POLA1: variants seen among roughly 807,000 people sequenced by gnomAD.
POLA1 encodes the protein DNA polymerase alpha 1, catalytic subunit.
In POLA1, 15 loss-of-function variants were observed where a neutral mutation model predicts 124.0. That is an observed-to-expected ratio of 0.12 (90% confidence interval 0.08 to 0.19). The LOEUF (loss-of-function observed/expected upper bound fraction) is 0.19, where lower values mean the gene tolerates loss of function less well. POLA1 is among the 10% of genes least tolerant of loss of function. The pLI is 1.00. For missense variants in POLA1, 886 were observed against 1,103.4 expected, an observed-to-expected ratio of 0.80 and a Z score of 2.79; for synonymous variants, 408 against 389.4, an observed-to-expected ratio of 1.05 and a Z score of -0.56.
At chrX:24,844,800 A>G (rs768166673) in intron 34 of POLA1, among the ~76,000 whole-genome samples, 2 of 111,888 alleles carry the variant, frequency 1.8e-5, no homozygotes, top group Non-Finnish European at 3.8e-5. Flanking sequence ...TGAACAGTGG[A>G]TGGGAATAAA....
intron 31 of POLA1, 73 bp from the exon 32 acceptor site, chrX:24,826,354 G>C: frequency 1.3e-6 from 1 of 741,643 alleles, no homozygotes; most frequent in South Asian, 3.5e-5. Context: ...CCAAGCAAGT[G>C]TCTGTGATTG....
chrX:24,952,131 G>A (rs139220883), intron 36 of POLA1, among the ~76,000 whole-genome samples: 1 of 111,979 alleles, frequency 8.9e-6, no homozygotes, highest in African/African-American at 3.2e-5. Flanking sequence ...ACAAAATGTG[G>A]CAACTTCACA....
chrX:24,739,297 A>G (rs1454398844), intron 19 of POLA1, 78 bp from the exon 20 acceptor site: 6 of 687,863 alleles, frequency 8.7e-6, no homozygotes, highest in African/African-American at 2.2e-5. Flanking sequence ...ATTTTGGGCC[A>G]GCTTCAAAAT....
intron 26 of POLA1, among the ~76,000 whole-genome samples, chrX:24,766,658 T>C (rs1451672234): frequency 1.8e-5 from 2 of 111,750 alleles, no homozygotes; most frequent in Non-Finnish European, 3.8e-5. Flanking sequence ...GGCAAGGAAC[T>C]ATGTGTACTA....
intron 1 of POLA1, 105 bp downstream of exon 1, chrX:24,694,109 A>G (rs949413888): frequency 3.7e-6 from 3 of 813,439 alleles, no homozygotes; most frequent in Non-Finnish European, 5.2e-6. Context: ...TTGGGCGCAG[A>G]CCTTGGTCGT....
intron 35 of POLA1, among the ~76,000 whole-genome samples, chrX:24,907,375 G>A (rs1163836146): frequency 9.0e-6 from 1 of 111,104 alleles, no homozygotes; most frequent in Admixed American, 9.6e-5. Flanking sequence ...GAAACGTCCT[G>A]AGTTGGGCAG....
chrX:24,824,423 G>T (rs1238143799), intron 31 of POLA1, among the ~76,000 whole-genome samples: 1 of 105,861 alleles, frequency 9.4e-6, no homozygotes, highest in African/African-American at 3.5e-5. Flanking sequence ...CTCCTGAGTA[G>T]CTGGGACCAC....
intron 29 of POLA1, among the ~76,000 whole-genome samples, chrX:24,813,924 A>T (rs1207327783): frequency 8.9e-6 from 1 of 111,933 alleles, no homozygotes; most frequent in African/African-American, 3.2e-5. Flanking sequence ...TAAAGTTCAC[A>T]TCAATTTTAA....
intron 26 of POLA1, among the ~76,000 whole-genome samples, chrX:24,791,752 T>C (rs150303693): frequency 1.8e-5 from 2 of 112,495 alleles, no homozygotes; most frequent in Admixed American, 9.4e-5. Context: ...AATGATTATA[T>C]ACATTGACCT....
chrX:24,696,395 C>G (rs1382325628), intron 1 of POLA1, among the ~76,000 whole-genome samples: 3 of 112,370 alleles, frequency 2.7e-5, no homozygotes, highest in Non-Finnish European at 5.6e-5. Context: ...GTACTTGATG[C>G]TATAGCTCAT....
At chrX:24,902,062 G>C (rs1472465795) in intron 35 of POLA1, among the ~76,000 whole-genome samples, 1 of 111,787 alleles carries the variant, frequency 8.9e-6, no homozygotes, top group African/African-American at 3.3e-5. Context: ...ATCCCTGAAA[G>C]TCATGAGAAG....
intron 26 of POLA1, among the ~76,000 whole-genome samples, chrX:24,783,413 C>G (rs1003517643): frequency 9.0e-6 from 1 of 111,682 alleles, no homozygotes; most frequent in African/African-American, 3.3e-5. Flanking sequence ...TTCACAAGTG[C>G]AATATATAAT....
At chrX:24,823,205 A>T (rs2046117874) in intron 31 of POLA1, among the ~76,000 whole-genome samples, 1 of 111,294 alleles carries the variant, frequency 9.0e-6, no homozygotes, top group Non-Finnish European at 1.9e-5. Flanking sequence ...TCTTTTTATT[A>T]ACTTATTCTC....
At chrX:24,797,868 T>C (rs1311480222) in intron 26 of POLA1, among the ~76,000 whole-genome samples, 1 of 105,149 alleles carries the variant, frequency 9.5e-6, no homozygotes, top group Admixed American at 1.0e-4. Context: ...GGCAACATAG[T>C]GAGACCCTGT....
chrX:24,827,356 GT>G (rs2046188954), intron 32 of POLA1, among the ~76,000 whole-genome samples: 2 of 112,434 alleles, frequency 1.8e-5, no homozygotes, highest in Non-Finnish European at 3.8e-5. Flanking sequence ...CTCTTCTGTG[GT>G]AAGCAAAGAT....
At chrX:24,862,800 A>C (rs191393723) in intron 34 of POLA1, among the ~76,000 whole-genome samples, 1 of 112,195 alleles carries the variant, frequency 8.9e-6, no homozygotes, top group African/African-American at 3.2e-5. Context: ...TTATTCATCT[A>C]CGTCTGTCAA....
At chrX:24,949,729 T>TC (rs1180432262) in intron 36 of POLA1, among the ~76,000 whole-genome samples, 1 of 107,748 alleles carries the variant, frequency 9.3e-6, no homozygotes, top group African/African-American at 3.4e-5. Flanking sequence ...TCTTTTTTTC[T>TC]CTTTTTTTTT....
intron 35 of POLA1, among the ~76,000 whole-genome samples, chrX:24,922,258 T>G (rs1447894525): frequency 1.0e-5 from 1 of 97,909 alleles, no homozygotes; most frequent in Admixed American, 1.1e-4. Flanking sequence ...TTTTTTTTTT[T>G]GTAGAGATAG....
chrX:24,850,364 A>G (rs1183075610), intron 34 of POLA1, among the ~76,000 whole-genome samples: 4 of 112,458 alleles, frequency 3.6e-5, no homozygotes, highest in Non-Finnish European at 7.5e-5. Flanking sequence ...ATTCTATACA[A>G]GCAGCTTATC....
Sources: gnomAD v4.1 joint callset for allele counts (sites outside exome capture counted in the v4.1 genomes callset) on GRCh38, gnomAD v4.1.1 for gene constraint, MANE v1.5 for transcripts, NCBI Gene and HGNC (gene_info 2026-07-23, HGNC 2026-07-21) for gene names.